The following IPMK variants were observed in gnomAD, a reference collection of about 807,000 sequenced individuals.
The protein encoded by IPMK is inositol polyphosphate multikinase.
In IPMK, 17 loss-of-function variants were observed where a neutral mutation model predicts 45.8. That is an observed-to-expected ratio of 0.37 (90% CI 0.25 to 0.56). The LOEUF is 0.56. Among genes scored for constraint, IPMK ranks in the 20% least tolerant of loss-of-function variants. IPMK has a pLI of 0.79. For synonymous variants in IPMK, 180 were observed against 184.3 expected, an observed-to-expected ratio of 0.98 and a Z score of 0.19; for missense variants, 399 against 498.0, an observed-to-expected ratio of 0.80 and a Z score of 1.89.
At position 58,207,355 on chromosome 10, in the gene IPMK, T is replaced by C. The variant is rs915802202; in HGVS notation, c.547-8034A>G. On this transcript the variant is annotated intron_variant, in intron 4 of 5. Transcript: ENST00000373935. ...GTTCCATATTTTTGCAACTGCGAAT[T>C]GTACTGCTATAAACATGCATATGCA... Among the ~76,000 whole-genome samples, 7 of 152,380 alleles carry C rather than the reference T, an allele frequency of 4.6e-5. No homozygotes were observed. The East Asian group carries it at 1.3e-3, about 29-fold the overall frequency.
intron 4 of IPMK, among the ~76,000 whole-genome samples, chr10:58,208,584 G>C (rs1226322918): frequency 6.6e-6 from 1 of 151,910 alleles, no homozygotes; most frequent in Admixed American, 6.6e-5. Context: ...GTACTTGTAG[G>C]GATAAAGACT....
intron 1 of IPMK, among the ~76,000 whole-genome samples, chr10:58,242,936 T>TTC (rs139796740): frequency 2.6e-5 from 4 of 151,632 alleles, no homozygotes; most frequent in South Asian, 2.1e-4. Context: ...CACTTCCCCC[T>TTC]TCTCTCTCTC....
At position 58,197,326 on chromosome 10, in the gene IPMK, A is replaced by AATAAATAAATAAATAAATAAATAC. The variant is rs764500371; in HGVS notation, c.629-629_629-628insGTATTTATTTATTTATTTATTTAT. 2.5e-4 allele frequency among the ~76,000 whole-genome samples: 36 copies of AATAAATAAATAAATAAATAAATAC among 146,512 alleles called. 1 individual carries two copies. Among genetic ancestry groups the AATAAATAAATAAATAAATAAATAC allele is most frequent in the African/African-American group, 7.6e-4 (29 of 38,000 alleles). ...AAATAAATAAATAAATAAATAAATA[A>AATAAATAAATAAATAAATAAATAC]ATACATAAATACATAAACACATAAA... On this transcript the variant is annotated intron_variant, in intron 5 of 5. Transcript: ENST00000373935.
chr10:58,265,932 G>A (rs1839141005), intron 1 of IPMK, among the ~76,000 whole-genome samples: 1 of 152,068 alleles, frequency 6.6e-6, no homozygotes, highest in South Asian at 2.1e-4. Context: ...GGGACCTTTA[G>A]GGAAACATTT....
intron 2 of IPMK, among the ~76,000 whole-genome samples, chr10:58,233,349 C>A (rs1459781549): frequency 6.6e-6 from 1 of 152,136 alleles, no homozygotes. Context: ...GATACCAAAG[C>A]CTGGCAGAGA....
chr10:58,249,586 T>C (rs958344363), intron 1 of IPMK, among the ~76,000 whole-genome samples: 4 of 152,214 alleles, frequency 2.6e-5, no homozygotes, highest in East Asian at 1.9e-4. Flanking sequence ...TGGTTCTTTA[T>C]ACATTCTGCT....
chr10:58,207,521 T>C (rs1838088563), intron 4 of IPMK, among the ~76,000 whole-genome samples: 1 of 152,216 alleles, frequency 6.6e-6, no homozygotes, highest in South Asian at 2.1e-4. Flanking sequence ...TGTAAAAGTG[T>C]TCTCTTTTCA....
chr10:58,202,301 C>T (rs561497174), intron 4 of IPMK, among the ~76,000 whole-genome samples: 4 of 152,162 alleles, frequency 2.6e-5, no homozygotes, highest in Non-Finnish European at 4.4e-5. Flanking sequence ...GACAGGCTAA[C>T]TCTCTTATTA....
chr10:58,219,343 A>C (rs1838296117), intron 3 of IPMK, among the ~76,000 whole-genome samples: 1 of 152,242 alleles, frequency 6.6e-6, no homozygotes, highest in Non-Finnish European at 1.5e-5. Context: ...CTTGACTGCA[A>C]GTGCTTTTGA....
At chr10:58,210,112 T>TG (rs1317211422) in intron 4 of IPMK, among the ~76,000 whole-genome samples, 1 of 150,940 alleles carries the variant, frequency 6.6e-6, no homozygotes, top group Non-Finnish European at 1.5e-5. Context: ...GCAGCCACTG[T>TG]GGGGGATGGG....
intron 2 of IPMK, among the ~76,000 whole-genome samples, chr10:58,236,233 C>A (rs1356999773): frequency 6.6e-6 from 1 of 151,932 alleles, no homozygotes; most frequent in East Asian, 1.9e-4. Flanking sequence ...ACCTAAAGAA[C>A]AAAACTCTTA....
At chr10:58,267,195 G>A (rs1839160197) in intron 1 of IPMK, among the ~76,000 whole-genome samples, 1 of 152,172 alleles carries the variant, frequency 6.6e-6, no homozygotes, top group African/African-American at 2.4e-5. Flanking sequence ...GCCTCTCCCT[G>A]CCACCCGTGC....
chr10:58,211,919 A>AAAAAAAAAAAT (rs967150743), intron 4 of IPMK, among the ~76,000 whole-genome samples: 5 of 148,182 alleles, frequency 3.4e-5, no homozygotes, highest in African/African-American at 1.3e-4. Context: ...AAAAAAAAAA[A>AAAAAAAAAAAT]AAAAAATTTG....
intron 1 of IPMK, among the ~76,000 whole-genome samples, chr10:58,262,856 T>G (rs1389919215): frequency 6.6e-6 from 1 of 152,150 alleles, no homozygotes; most frequent in Non-Finnish European, 1.5e-5. Flanking sequence ...AATAAGGACA[T>G]AAATACTTAA....
intron 3 of IPMK, among the ~76,000 whole-genome samples, chr10:58,220,182 T>C (rs1049073812): frequency 6.6e-6 from 1 of 152,072 alleles, no homozygotes; most frequent in Non-Finnish European, 1.5e-5. Flanking sequence ...GTAAGTCCCT[T>C]GGTAGGGAGG....
chr10:58,215,497 C>T (rs559875247), intron 4 of IPMK, among the ~76,000 whole-genome samples: 1 of 151,900 alleles, frequency 6.6e-6, no homozygotes, highest in South Asian at 2.1e-4. Flanking sequence ...CAGCCTTGAC[C>T]TCCTGGGCTC....
At chr10:58,227,010 A>T in intron 3 of IPMK, 33 bp downstream of exon 3, 1 of 1,467,078 alleles carries the variant, frequency 6.8e-7, no homozygotes, top group Non-Finnish European at 9.5e-7. Flanking sequence ...CTCATGAATT[A>T]AAACTGAAAG....
At chr10:58,238,092 A>G (rs1003140703) in intron 1 of IPMK, among the ~76,000 whole-genome samples, 1 of 152,204 alleles carries the variant, frequency 6.6e-6, no homozygotes, top group African/African-American at 2.4e-5. Context: ...ATATGTGTCA[A>G]TTTATATAGA....
rs200416444 is a variant in IPMK at position 58,196,547 on chromosome 10, T to C, written c.780A>G (p.Ser260=). ...ASSLLFVYEG[S]SQPTTTKLND... ...TCAATTTTGTAGTGGTTGGCTGAGA[T>C]GAACCTTCATAAACAAAGAGTAATG... The change falls in exon 6 of 6, where the codon TCA becomes TCG. Residue 260 remains serine (S), a synonymous_variant. Transcript: ENST00000373935. 3 of 1,614,058 alleles carry C rather than the reference T, an allele frequency of 1.9e-6. No homozygotes were observed. The highest frequency in any genetic ancestry group is 2.5e-6 in the Non-Finnish European group (3 of 1,180,024).
Sources: gnomAD v4.1 joint callset for allele counts (sites outside exome capture counted in the v4.1 genomes callset) on GRCh38, gnomAD v4.1.1 for gene constraint, MANE v1.5 for transcripts, NCBI Gene and HGNC (gene_info 2026-07-23, HGNC 2026-07-21) for gene names.